MAP3K13: variants seen among roughly 807,000 people sequenced by gnomAD.
MAP3K13 encodes mitogen-activated protein kinase kinase kinase 13.
In MAP3K13, 52 loss-of-function variants were observed where a neutral mutation model predicts 104.0. The observed-to-expected ratio is 0.50, with a 90% CI of 0.40 to 0.63. The LOEUF is 0.63. MAP3K13 is among the 20% of genes least tolerant of loss of function. The pLI is 0.00. For synonymous variants in MAP3K13, 394 were observed against 442.2 expected (o/e 0.89, Z 1.37); for missense variants, 914 against 1,218.5 (o/e 0.75, Z 3.72).
intron 1 of MAP3K13, among the ~76,000 whole-genome samples, chr3:185,369,841 C>A (rs1724069017): frequency 6.6e-6 from 1 of 152,190 alleles, no homozygotes; most frequent in African/African-American, 2.4e-5. Flanking sequence ...GATTCTTACA[C>A]TAAAATGGAT....
At chr3:185,432,347 C>T (rs535380704) in intron 2 of MAP3K13, among the ~76,000 whole-genome samples, 54 of 151,898 alleles carry the variant, frequency 3.6e-4, no homozygotes, top group African/African-American at 1.2e-3. Flanking sequence ...TGTGCCACCA[C>T]GCCTGGCTAA....
chr3:185,413,157 A>T (rs918915475), intron 1 of MAP3K13, among the ~76,000 whole-genome samples: 8 of 152,244 alleles, frequency 5.3e-5, no homozygotes, highest in Admixed American at 1.3e-4. Context: ...TAAATCATTC[A>T]CAAATATTAC....
intron 1 of MAP3K13, among the ~76,000 whole-genome samples, chr3:185,382,967 C>T (rs966007922): frequency 7.9e-5 from 12 of 151,378 alleles, no homozygotes; most frequent in Admixed American, 7.9e-4. Context: ...CCCACTAACT[C>T]GTCATCTAGC....
Position 185,428,892 on chromosome 3 carries a change from C to T in MAP3K13, c.311C>T (p.Thr104Met), listed in dbSNP as rs770162461. 3.4e-5 allele frequency: 55 copies of T among 1,614,008 alleles called. No homozygotes were observed. In the East Asian group the frequency reaches 3.8e-4, roughly 11 times the overall value. Residue 104 changes from threonine to methionine, a missense_variant, in exon 2 of 14, where the codon ACG becomes ATG. Transcript: ENST00000265026. Reference protein sequence around the residue: ...ETAVSQGNSNTVDGESTSGTE... With the variant: ...ETAVSQGNSNMVDGESTSGTE... ...GCGGTGTCTCAGGGGAACAGCAACACGGTGGACGGAGAGAGCACAAGCGGA... is the reference window on the plus strand; with the variant it reads ...GCGGTGTCTCAGGGGAACAGCAACATGGTGGACGGAGAGAGCACAAGCGGA...
At chr3:185,293,143 A>C (rs1405964546) in intron 2 of MAP3K13, 4 of 715,180 alleles carry the variant, frequency 5.6e-6, no homozygotes, top group Non-Finnish European at 6.8e-6. Context: ...TTTGAGACAG[A>C]GTCTGGCTCT....
chr3:185,468,252 T>G (rs1717575036), intron 10 of MAP3K13, among the ~76,000 whole-genome samples: 1 of 152,200 alleles, frequency 6.6e-6, no homozygotes, highest in South Asian at 2.1e-4. Context: ...TCTAACCATA[T>G]GGGTTCCCCT....
intron 2 of MAP3K13, among the ~76,000 whole-genome samples, chr3:185,319,455 C>T (rs1577419997): frequency 6.6e-6 from 1 of 152,188 alleles, no homozygotes; most frequent in Admixed American, 6.5e-5. Flanking sequence ...AAAGCTATGT[C>T]CTGGCCTGGG....
At chr3:185,370,368 T>C (rs148624833) in intron 1 of MAP3K13, among the ~76,000 whole-genome samples, 28 of 152,292 alleles carry the variant, frequency 1.8e-4, no homozygotes, top group Non-Finnish European at 3.1e-4. Flanking sequence ...TTAATTTTTG[T>C]ATTTTTTAGT....
intron 1 of MAP3K13, among the ~76,000 whole-genome samples, chr3:185,368,027 C>T (rs1395972473): frequency 6.6e-6 from 1 of 152,140 alleles, no homozygotes; most frequent in Non-Finnish European, 1.5e-5. Context: ...TGTGGTGGCA[C>T]ACGCCTGTAG....
At position 185,449,895 on chromosome 3, in the gene MAP3K13, T is replaced by C. The variant is rs1183601757; in HGVS notation, c.1011-5T>C. ...CTTCTGTCCATGTTCCCGGCGCTAC[T>C]GTAGGTCTTTTGGAGTGGTGCTTTG... On this transcript the variant is annotated splice_polypyrimidine_tract_variant and splice_region_variant and intron_variant, in intron 5 of 13. Transcript: ENST00000265026. The C allele has an allele frequency of 1.4e-5, 23 of 1,603,970 alleles. No individual in the cohort carries two copies. The highest frequency in any genetic ancestry group is 1.9e-5 in the Non-Finnish European group (22 of 1,176,262).
Position 185,488,506 on chromosome 3 carries a change from G to A in MAP3K13, c.*6050G>A, listed in dbSNP as rs1417470310. On this transcript the variant is annotated 3_prime_UTR_variant, in exon 14 of 14. Coordinates refer to ENST00000265026, the MANE Select transcript of MAP3K13 (RefSeq NM_004721.5). ...CTAAAATCACTGCTCTGAGAAACAG[G>A]AGGTGGGTTAAGGCTTTTGTTAACT... 1 of 152,288 alleles carries A rather than the reference G, an allele frequency of 6.6e-6. No individual in the cohort carries two copies. Among genetic ancestry groups the A allele is most frequent in the East Asian group, 1.9e-4 (1 of 5,194 alleles). The allele number at this position is 152,288 out of a possible 1,614,324, so 9.4% of individuals were successfully genotyped here.
chr3:185,307,547 T>TCCCCC (rs1560041671), intron 2 of MAP3K13, among the ~76,000 whole-genome samples: 1 of 110,228 alleles, frequency 9.1e-6, no homozygotes, highest in Non-Finnish European at 1.7e-5. Flanking sequence ...CACCACCCCC[T>TCCCCC]CCCCCGCCAC....
At chr3:185,318,399 G>A (rs73887864) in intron 2 of MAP3K13, among the ~76,000 whole-genome samples, 13,521 of 152,214 alleles carry the variant, frequency 0.089, 817 homozygotes, top group East Asian at 0.2. Context: ...ATGAATTAAA[G>A]TATTGTCATT....
chr3:185,458,367 CAAAA>C (rs60147107), intron 7 of MAP3K13, among the ~76,000 whole-genome samples: 17 of 112,150 alleles, frequency 1.5e-4, no homozygotes, highest in Admixed American at 2.8e-4. Flanking sequence ...GACCCCATCT[CAAAA>C]AAAAAAAAAA....
chr3:185,470,974 G>GA (rs144452642), intron 10 of MAP3K13, among the ~76,000 whole-genome samples: 1 of 151,996 alleles, frequency 6.6e-6, no homozygotes, highest in Middle Eastern at 3.2e-3. Flanking sequence ...ATTAACTGAA[G>GA]AAAAAATGGA....
At chr3:185,326,483 C>T (rs1722043777) in intron 2 of MAP3K13, among the ~76,000 whole-genome samples, 1 of 152,140 alleles carries the variant, frequency 6.6e-6, no homozygotes, top group Non-Finnish European at 1.5e-5. Context: ...ACAGTAGCAG[C>T]TGACATTTAC....
chr3:185,407,651 C>G (rs560742801), intron 1 of MAP3K13, among the ~76,000 whole-genome samples: 38 of 152,108 alleles, frequency 2.5e-4, no homozygotes, highest in Non-Finnish European at 3.2e-4. Context: ...TGCGTTTTGC[C>G]AATTTCAGCG....
intron 1 of MAP3K13, among the ~76,000 whole-genome samples, chr3:185,367,541 A>G (rs770324890): frequency 6.6e-6 from 1 of 152,212 alleles, no homozygotes; most frequent in Non-Finnish European, 1.5e-5. Flanking sequence ...ATTGGAAGTT[A>G]ATGAAATATG....
chr3:185,477,508 G>A, intron 12 of MAP3K13, 112 bp downstream of exon 12: 1 of 779,552 alleles, frequency 1.3e-6, no homozygotes, highest in East Asian at 2.6e-5. Context: ...CACCTTATAG[G>A]GAACTTTGAA....
Sources: gnomAD v4.1 joint callset for allele counts (sites outside exome capture counted in the v4.1 genomes callset) on GRCh38, gnomAD v4.1.1 for gene constraint, MANE v1.5 for transcripts, NCBI Gene and HGNC (gene_info 2026-07-23, HGNC 2026-07-21) for gene names.